Variants in ANO10 observed in about 807,000 individuals in gnomAD.
ANO10 encodes the protein anoctamin-10.
ANO10 carries 77 observed loss-of-function variants against 74.7 expected under a neutral mutation model. The observed-to-expected ratio is 1.03, with a 90% CI of 0.86 to 1.25. The LOEUF (loss-of-function observed/expected upper bound fraction) is 1.25. Ranked by LOEUF, ANO10 falls within the 50% of genes most tolerant of loss-of-function variation. The probability of loss-of-function intolerance (pLI) is 0.00; values close to 1 mark genes in which losing one functional copy is unlikely to be tolerated. For missense variants in ANO10, 721 were observed against 778.1 expected, an observed-to-expected ratio of 0.93 and a Z score of 0.87; for synonymous variants, 279 against 284.9, an observed-to-expected ratio of 0.98 and a Z score of 0.21.
At chr3:43,626,475 T>A (rs1248710199), upstream of ANO10, among the ~76,000 whole-genome samples, 1 of 151,164 alleles carries the variant, frequency 6.6e-6, no homozygotes, top group African/African-American at 2.4e-5. Context: ...ATTTTTGTAT[T>A]TTTTTAGTAG....
intron 1 of ANO10, among the ~76,000 whole-genome samples, chr3:43,679,954 A>T (rs1246323840): frequency 8.5e-5 from 13 of 152,176 alleles, no homozygotes; most frequent in Admixed American, 5.9e-4. Flanking sequence ...ATCATCAAAG[A>T]CCAAAGGTAG....
rs141308153 is a variant in ANO10, at chr3:43,448,247, C to T, written c.1798-15520G>A. On this transcript the variant is annotated intron_variant, in intron 11 of 12. Coordinates refer to ENST00000292246, the MANE Select transcript of ANO10 (RefSeq NM_018075.5). ...TTATAGCAGCCTGAGCTGAGACATA[C>T]ATCATGTCATGTATCCACCATTACA... Among the ~76,000 whole-genome samples the T allele has an allele frequency of 1.8e-4, 27 of 152,302 alleles. No individual in the cohort carries two copies. The East Asian group carries it at 4.8e-3, about 27-fold the overall frequency.
At chr3:43,482,226 C>A (rs1310401919) in intron 11 of ANO10, among the ~76,000 whole-genome samples, 1 of 152,088 alleles carries the variant, frequency 6.6e-6, no homozygotes, top group Non-Finnish European at 1.5e-5. Flanking sequence ...CCGCCCCCAG[C>A]CAATTGATGT....
At chr3:43,369,732 C>A (rs1446295710) in intron 12 of ANO10, among the ~76,000 whole-genome samples, 3 of 152,280 alleles carry the variant, frequency 2.0e-5, no homozygotes, top group Admixed American at 6.5e-5. Context: ...TGCCCACAAT[C>A]CCCAGCTGGA....
intron 1 of ANO10, among the ~76,000 whole-genome samples, chr3:43,672,971 A>G (rs1023307997): frequency 6.6e-6 from 1 of 152,234 alleles, no homozygotes; most frequent in African/African-American, 2.4e-5. Context: ...TGAACAGAGA[A>G]AAGTCTGCTC....
At chr3:43,671,082 T>C (rs1453853192) in intron 1 of ANO10, among the ~76,000 whole-genome samples, 2 of 152,198 alleles carry the variant, frequency 1.3e-5, no homozygotes, top group Non-Finnish European at 2.9e-5. Flanking sequence ...TTCCCATTTA[T>C]ATGATGGAAA....
chr3:43,483,689 G>C (rs2076356899), intron 11 of ANO10, among the ~76,000 whole-genome samples: 1 of 152,316 alleles, frequency 6.6e-6, no homozygotes, highest in East Asian at 1.9e-4. Context: ...CGGTGTGCTT[G>C]AGGTGGTTGG....
At chr3:43,505,121 G>A (rs1215039259) in intron 11 of ANO10, among the ~76,000 whole-genome samples, 1 of 152,142 alleles carries the variant, frequency 6.6e-6, no homozygotes, top group Non-Finnish European at 1.5e-5. Flanking sequence ...GCAGCTTCTG[G>A]TATAGTATGA....
chr3:43,369,363 C>T (rs1308075251), intron 12 of ANO10, among the ~76,000 whole-genome samples: 1 of 152,276 alleles, frequency 6.6e-6, no homozygotes, highest in Non-Finnish European at 1.5e-5. Flanking sequence ...CTGAACTGCA[C>T]TACTGGTGGC....
At chr3:43,673,598 A>G (rs1180823126) in intron 1 of ANO10, among the ~76,000 whole-genome samples, 1 of 152,202 alleles carries the variant, frequency 6.6e-6, no homozygotes, top group African/African-American at 2.4e-5. Context: ...TTATTTTGCC[A>G]TGGATTTACC....
chr3:43,472,626 A>G (rs1440368596), intron 11 of ANO10: 1 of 152,170 alleles, frequency 6.6e-6, no homozygotes, highest in African/African-American at 2.4e-5. Flanking sequence ...CCAAAGAGGC[A>G]TAACAACCAA....
At chr3:43,480,996 C>CAATTACTAATTGTATAATAA (rs2076248694) in intron 11 of ANO10, among the ~76,000 whole-genome samples, 1 of 151,978 alleles carries the variant, frequency 6.6e-6, no homozygotes, top group Non-Finnish European at 1.5e-5. Context: ...TATAATAATA[C>CAATTACTAATTGTATAATAA]AATATACTAA....
At chr3:43,388,226 G>A (rs1421468489) in intron 12 of ANO10, among the ~76,000 whole-genome samples, 1 of 152,162 alleles carries the variant, frequency 6.6e-6, no homozygotes, top group Non-Finnish European at 1.5e-5. Context: ...TCCTGAGTGT[G>A]CAAGTGCTTC....
intron 9 of ANO10, among the ~76,000 whole-genome samples, chr3:43,558,828 T>C (rs946296852): frequency 6.6e-6 from 1 of 152,078 alleles, no homozygotes; most frequent in East Asian, 1.9e-4. Context: ...ATATCCAACA[T>C]CACTCCAGTG....
intron 11 of ANO10, among the ~76,000 whole-genome samples, chr3:43,527,862 T>G (rs1300090907): frequency 6.6e-6 from 1 of 152,128 alleles, no homozygotes; most frequent in Non-Finnish European, 1.5e-5. Context: ...AAAAGGATAG[T>G]GCTTGAAAAT....
At chr3:43,480,979 A>ATTGTATAATAATACAATTAC (rs1553683433) in intron 11 of ANO10, among the ~76,000 whole-genome samples, 40 of 150,438 alleles carry the variant, frequency 2.7e-4, no homozygotes, top group Non-Finnish European at 5.6e-4. Context: ...TTATTGTATA[A>ATTGTATAATAATACAATTAC]TAATTGTATA....
chr3:43,411,136 T>C (rs1457074728), intron 12 of ANO10, among the ~76,000 whole-genome samples: 2 of 152,148 alleles, frequency 1.3e-5, no homozygotes, highest in African/African-American at 4.8e-5. Flanking sequence ...TGTTTTGATT[T>C]GCTAGTATAC....
rs181152161 is a variant in ANO10, at chr3:43,593,863, C to A, written c.472+4669G>T. On this transcript the variant is annotated intron_variant, in intron 4 of 12. Transcript: ENST00000292246. ...CCATCAGTATGCTGTATTCAGGAGA[C>A]CCATCTCACATGCAGAGACACACAT... is the stretch of plus-strand genomic sequence containing the variant. Among the ~76,000 whole-genome samples the A allele has an allele frequency of 1.6e-3, 246 of 152,198 alleles. 1 individual carries two copies. Among genetic ancestry groups the A allele is most frequent in the African/African-American group, 5.4e-3 (226 of 41,528 alleles).
intron 1 of ANO10, among the ~76,000 whole-genome samples, chr3:43,686,235 TTGG>T (rs1209434364): frequency 6.6e-6 from 1 of 152,098 alleles, no homozygotes; most frequent in Admixed American, 6.5e-5. Context: ...TAAAAACAAC[TTGG>T]AACCACAGAA....
Sources: gnomAD v4.1 joint callset for allele counts (sites outside exome capture counted in the v4.1 genomes callset) on GRCh38, gnomAD v4.1.1 for gene constraint, MANE v1.5 for transcripts, NCBI Gene and HGNC (gene_info 2026-07-23, HGNC 2026-07-21) for gene names.